ABCC9: variants seen among roughly 807,000 people sequenced by gnomAD.
ABCC9 encodes ATP-binding cassette sub-family C member 9.
A neutral mutation model predicts 188.3 loss-of-function variants in ABCC9; 95 were observed. The observed-to-expected ratio is 0.50, with a 90% confidence interval of 0.43 to 0.60. ABCC9 has a LOEUF of 0.60. Ranked by LOEUF, ABCC9 falls within the 20% of genes least tolerant of loss-of-function variation. ABCC9 has a pLI of 0.00. For missense variants in ABCC9, 1,102 were observed against 1,876.3 expected, an observed-to-expected ratio of 0.59 and a Z score of 7.62; for synonymous variants, 659 against 652.7, an observed-to-expected ratio of 1.01 and a Z score of -0.15.
intron 39 of ABCC9, chr12:21,805,161 A>G (rs1941744916): frequency 6.2e-7 from 1 of 1,614,006 alleles, no homozygotes; most frequent in Non-Finnish European, 8.5e-7. Flanking sequence ...TTGGTGCAAT[A>G]GATCATGATG....
At chr12:21,900,530 C>G (rs1947685131) in intron 12 of ABCC9, among the ~76,000 whole-genome samples, 1 of 152,162 alleles carries the variant, frequency 6.6e-6, no homozygotes, top group Non-Finnish European at 1.5e-5. Flanking sequence ...GGAGGAAGTT[C>G]AAACCCATCG....
intron 29 of ABCC9, 116 bp downstream of exon 29, chr12:21,842,198 C>A (rs1944424844): frequency 7.6e-7 from 1 of 1,312,748 alleles, no homozygotes; most frequent in African/African-American, 1.5e-5. Context: ...TGTTTTGGAA[C>A]TTCGTGGAAT....
intron 2 of ABCC9, among the ~76,000 whole-genome samples, chr12:21,938,827 G>A (rs974153169): frequency 6.6e-6 from 1 of 152,044 alleles, no homozygotes; most frequent in African/African-American, 2.4e-5. Flanking sequence ...AATCGCCTTT[G>A]GATAAATGTT....
intron 5 of ABCC9, among the ~76,000 whole-genome samples, chr12:21,919,382 G>A (rs74067864): frequency 0.016 from 2,373 of 151,774 alleles, 35 homozygotes; most frequent in Middle Eastern, 0.058. Flanking sequence ...GGAGAATCAG[G>A]AAATATCATG....
rs541480802 is a variant in ABCC9 at position 21,813,173 on chromosome 12, A to T, written c.4103-1016T>A. On this transcript the variant is annotated intron_variant, in intron 35 of 39. Transcript: ENST00000261200. ...ACTCCTGTATTGATTTAATAATACA[A>T]TGCATTACAAATAGAGAAGTAAATT... is the stretch of plus-strand genomic sequence containing the variant. Among the ~76,000 whole-genome samples, 15 of 152,338 alleles carry T rather than the reference A, an allele frequency of 9.8e-5. No individual in the cohort carries two copies. In the South Asian group the frequency reaches 2.9e-3, roughly 29 times the overall value.
Position 21,844,907 on chromosome 12 carries a change from A to C in ABCC9, c.3105T>G (p.Tyr1035Ter). 1 of 1,613,856 alleles carries C rather than the reference A, an allele frequency of 6.2e-7. No individual in the cohort carries two copies. The highest frequency in any genetic ancestry group is 8.5e-7 in the Non-Finnish European group (1 of 1,179,782). ...NNTGKADQTYYVAGFSILCGA... is the reference protein window; with the variant it reads ...NNTGKADQTY ...CACAGAGTATGCTAAAGCCAGCCAC[A>C]TAGTAGGTCTAAAAAGCAACCAACA... The change falls in exon 27 of 40, where the codon TAT (tyrosine) becomes TAG (stop). Residue 1035 changes from tyrosine (Y) to a stop codon, truncating the protein, a stop_gained. Coordinates refer to ENST00000261200, the MANE Select transcript of ABCC9 (RefSeq NM_020297.4). LOFTEE classifies it high-confidence loss of function.
rs1051637871 is a variant in ABCC9 at position 21,798,655 on chromosome 12, C to T, written c.*2389G>A. On this transcript the variant is annotated 3_prime_UTR_variant, in exon 40 of 40. Transcript: ENST00000261200. ...GGTAGTTTCTTTTGCTGTGCAGAAG[C>T]TCTTTAGTTTAACCATTGTGGAAGT... is the stretch of plus-strand genomic sequence containing the variant. 2.8e-4 allele frequency: 43 copies of T among 152,180 alleles called. No individual in the cohort carries two copies. The highest frequency in any genetic ancestry group is 9.2e-4 in the African/African-American group (38 of 41,506). 9.4% of individuals were successfully genotyped at this position (152,180 alleles called of 1,614,324 possible).
chr12:21,825,035 T>C (rs1342865651), intron 31 of ABCC9, among the ~76,000 whole-genome samples: 1 of 152,146 alleles, frequency 6.6e-6, no homozygotes, highest in Non-Finnish European at 1.5e-5. Flanking sequence ...TCTCAACATA[T>C]GAAAAAAAGC....
chr12:21,828,905 A>G, intron 31 of ABCC9, 53 bp downstream of exon 31: 1 of 1,421,154 alleles, frequency 7.0e-7, no homozygotes, highest in Non-Finnish European at 1.0e-6. Context: ...GCCTCTTTGC[A>G]GCAGGCGTCT....
chr12:21,886,175 TA>T (rs749083069), intron 15 of ABCC9, among the ~76,000 whole-genome samples: 14 of 152,284 alleles, frequency 9.2e-5, no homozygotes, highest in Non-Finnish European at 1.5e-4. Context: ...TAATGGCTCT[TA>T]AATTTATATC....
At chr12:21,910,634 A>T (rs1464819713) in intron 9 of ABCC9, among the ~76,000 whole-genome samples, 192 bp downstream of exon 9, 1 of 151,974 alleles carries the variant, frequency 6.6e-6, no homozygotes, top group Non-Finnish European at 1.5e-5. Flanking sequence ...ACATTATTTG[A>T]AAGTTATTTT....
intron 4 of ABCC9, among the ~76,000 whole-genome samples, chr12:21,932,027 G>A (rs1949310232): frequency 6.6e-6 from 1 of 152,074 alleles, no homozygotes; most frequent in Non-Finnish European, 1.5e-5. Flanking sequence ...TGTCAGGGAG[G>A]TTCCAGTTCA....
chr12:21,898,385 A>G (rs1017711460), intron 12 of ABCC9, among the ~76,000 whole-genome samples: 4 of 152,296 alleles, frequency 2.6e-5, no homozygotes, highest in Non-Finnish European at 4.4e-5. Flanking sequence ...ACCAACTTAG[A>G]GTAGTACAAT....
At chr12:21,813,050 T>A (rs1942366965) in intron 35 of ABCC9, among the ~76,000 whole-genome samples, 2 of 152,202 alleles carry the variant, frequency 1.3e-5, no homozygotes, top group African/African-American at 4.8e-5. Context: ...ATGGGATTTA[T>A]CAGAATCTGA....
At chr12:21,909,348 T>A (rs1948207994) in intron 10 of ABCC9, among the ~76,000 whole-genome samples, 1 of 151,898 alleles carries the variant, frequency 6.6e-6, no homozygotes, top group Non-Finnish European at 1.5e-5. Context: ...CTTTATTACT[T>A]TATGCACTTG....
chr12:21,829,233 G>A (rs377757979), intron 30 of ABCC9, among the ~76,000 whole-genome samples, 173 bp from the exon 31 acceptor site: 17 of 109,892 alleles, frequency 1.5e-4, no homozygotes, highest in East Asian at 8.9e-4. Flanking sequence ...ATGGAGTCTC[G>A]CTCTGTTGCC....
chr12:21,868,776 GTCTGTTGAAGTAAAGGACT>G lies in ABCC9; in HGVS notation c.2198+3830_2198+3848del, dbSNP rs1156500190. Among the ~76,000 whole-genome samples the G allele has an allele frequency of 2.0e-5, 3 of 152,106 alleles. No individual in the cohort carries two copies. In the East Asian group the frequency reaches 5.8e-4, roughly 29 times the overall value. On this transcript the variant is annotated intron_variant, in intron 18 of 39. Transcript: ENST00000261200. ...TTGAGCTTTAAAAAAAACGAATTCA[GTCTGTTGAAGTAAAGGACT>G]TCTAAGCATTTACACAGCAGCAGCT...
At chr12:21,810,909 A>G (rs1942188886) in intron 36 of ABCC9, among the ~76,000 whole-genome samples, 1 of 152,176 alleles carries the variant, frequency 6.6e-6, no homozygotes, top group East Asian at 1.9e-4. Context: ...GGAGGTGGCA[A>G]ACACTTCTTT....
chr12:21,829,081 A>G (rs1943561411), intron 30 of ABCC9, 21 bp from the exon 31 acceptor site: 4 of 1,541,400 alleles, frequency 2.6e-6, no homozygotes, highest in Non-Finnish European at 2.7e-6. Flanking sequence ...CAAAAACACG[A>G]TGTTAACCAC....
Sources: allele counts gnomAD v4.1 joint callset (sites outside exome capture counted in the v4.1 genomes callset), GRCh38; gene constraint gnomAD v4.1.1; transcripts MANE v1.5; gene names NCBI Gene and HGNC (gene_info 2026-07-23, HGNC 2026-07-21).